The following PDE4D variants were observed in gnomAD, a reference collection of about 807,000 sequenced individuals.
The protein encoded by PDE4D is phosphodiesterase 4D.
A neutral mutation model predicts 87.4 loss-of-function variants in PDE4D; 24 were observed. The observed-to-expected ratio is 0.27, with a 90% CI of 0.20 to 0.39. PDE4D has a LOEUF of 0.39. Among genes scored for constraint, PDE4D ranks in the 10% least tolerant of loss-of-function variants. The probability of loss-of-function intolerance (pLI) is 1.00; values close to 1 mark genes in which losing one functional copy is unlikely to be tolerated. For missense variants in PDE4D, 714 were observed against 1,041.0 expected (o/e 0.69, Z 4.32); for synonymous variants, 384 against 383.2 (o/e 1.00, Z -0.02).
At chr5:59,134,370 C>T (rs1380652858) in intron 5 of PDE4D, among the ~76,000 whole-genome samples, 3 of 151,710 alleles carry the variant, frequency 2.0e-5, no homozygotes, top group Non-Finnish European at 4.4e-5. Flanking sequence ...GACAATGGGC[C>T]TTTGAGAACA....
intron 3 of PDE4D, among the ~76,000 whole-genome samples, chr5:59,916,700 A>G (rs1309541651): frequency 2.0e-5 from 3 of 152,178 alleles, no homozygotes; most frequent in Non-Finnish European, 4.4e-5. Context: ...GGTTCTAGAT[A>G]TTGGCAACAT....
intron 2 of PDE4D, among the ~76,000 whole-genome samples, chr5:60,036,834 G>T (rs1350076820): frequency 2.0e-5 from 3 of 152,060 alleles, no homozygotes; most frequent in Non-Finnish European, 4.4e-5. Flanking sequence ...AGGGTCCATT[G>T]GTTTACTCGG....
intron 1 of PDE4D, among the ~76,000 whole-genome samples, chr5:59,566,494 T>G (rs977866716): frequency 6.6e-6 from 1 of 151,982 alleles, no homozygotes; most frequent in African/African-American, 2.4e-5. Context: ...TTGAACCCTG[T>G]GTGTCTTTCT....
In PDE4D at chr5:59,403,873, CT is replaced by C; in HGVS notation, c.456-187906del. Among the ~76,000 whole-genome samples, 2 of 152,298 alleles carry C rather than the reference CT, an allele frequency of 1.3e-5. 1 individual carries two copies. Among genetic ancestry groups the C allele is most frequent in the Non-Finnish European group, 2.9e-5 (2 of 68,022 alleles). ...TCTATTTTTAGCTTTTTCGAGGAAC[CT>C]CCAAATTGTTCTCCGTAGTGGTTGT... On this transcript the variant is annotated intron_variant, in intron 1 of 14. Transcript: ENST00000340635.
At chr5:59,732,394 T>TCACACACA (rs71604799) in intron 1 of PDE4D, among the ~76,000 whole-genome samples, 22,909 of 146,032 alleles carry the variant, frequency 0.16, 1,960 homozygotes, top group Middle Eastern at 0.28. Flanking sequence ...CAGGAGACAT[T>TCACACACA]CACACACACA....
intron 2 of PDE4D, among the ~76,000 whole-genome samples, chr5:59,199,798 C>T (rs1208037340): frequency 6.6e-6 from 1 of 151,976 alleles, no homozygotes; most frequent in Admixed American, 6.6e-5. Context: ...ATAAAACAAA[C>T]ATATAATGTA....
chr5:59,976,394 T>G (rs1761336504), intron 3 of PDE4D, among the ~76,000 whole-genome samples: 1 of 152,156 alleles, frequency 6.6e-6, no homozygotes, highest in Non-Finnish European at 1.5e-5. Flanking sequence ...CATAAATGGC[T>G]TGGTGCCCTC....
At chr5:59,681,225 CA>C (rs1218812444) in intron 1 of PDE4D, among the ~76,000 whole-genome samples, 1 of 152,058 alleles carries the variant, frequency 6.6e-6, no homozygotes, top group East Asian at 1.9e-4. Context: ...ACAAGGGAGT[CA>C]ACTAGAAGTA....
intron 1 of PDE4D, among the ~76,000 whole-genome samples, chr5:60,248,869 C>G (rs1207141315): frequency 6.6e-6 from 1 of 151,994 alleles, no homozygotes; most frequent in Non-Finnish European, 1.5e-5. Flanking sequence ...GACACATCTG[C>G]ATCATCCCTT....
At chr5:59,925,174 C>CAAAAAAAAAAAG (rs71606612) in intron 3 of PDE4D, among the ~76,000 whole-genome samples, 1 of 101,800 alleles carries the variant, frequency 9.8e-6, no homozygotes, top group Admixed American at 9.2e-5. Flanking sequence ...GACTGCATCT[C>CAAAAAAAAAAAG]AAAAAAAAAA....
intron 1 of PDE4D, among the ~76,000 whole-genome samples, chr5:59,566,533 CATGTGTGTGTGT>C (rs1385569742): frequency 9.7e-5 from 10 of 102,638 alleles, no homozygotes; most frequent in African/African-American, 3.3e-4. Context: ...GTCACAGTTT[CATGTGTGTGTGT>C]GTGTGTGTGT....
chr5:60,120,591 G>A (rs1490624522), intron 2 of PDE4D, among the ~76,000 whole-genome samples: 1 of 152,184 alleles, frequency 6.6e-6, no homozygotes. Context: ...ACAGTCTTGT[G>A]TCAGGTGGGC....
intron 1 of PDE4D, among the ~76,000 whole-genome samples, chr5:59,832,858 A>G (rs1035077092): frequency 4.6e-5 from 7 of 152,056 alleles, no homozygotes; most frequent in Non-Finnish European, 8.8e-5. Context: ...TTATACTAGA[A>G]AAAGCTTTAA....
intron 2 of PDE4D, among the ~76,000 whole-genome samples, chr5:60,140,617 G>A (rs571428287): frequency 1.3e-5 from 2 of 151,360 alleles, no homozygotes; most frequent in African/African-American, 4.8e-5. Flanking sequence ...GTACTGTTGT[G>A]GAATTGAAAG....
intron 1 of PDE4D, among the ~76,000 whole-genome samples, chr5:60,186,494 A>C (rs1350655450): frequency 6.6e-6 from 1 of 152,168 alleles, no homozygotes. Flanking sequence ...ATCAGGACAC[A>C]ACCTACATAT....
At chr5:60,478,150 A>G (rs1583890181) in intron 1 of PDE4D, among the ~76,000 whole-genome samples, 1 of 152,300 alleles carries the variant, frequency 6.6e-6, no homozygotes, top group Admixed American at 6.5e-5. Flanking sequence ...TAATTCTAAA[A>G]TATTTTATCT....
At chr5:59,712,393 CATATATATATAT>C (rs5868190) in intron 1 of PDE4D, among the ~76,000 whole-genome samples, 86 of 122,592 alleles carry the variant, frequency 7.0e-4, no homozygotes, top group African/African-American at 2.1e-3. Context: ...TAATATTATT[CATATATATATAT>C]ATATATATAT....
intron 5 of PDE4D, among the ~76,000 whole-genome samples, chr5:59,072,964 T>C (rs1765096095): frequency 6.6e-6 from 1 of 152,188 alleles, no homozygotes; most frequent in Non-Finnish European, 1.5e-5. Flanking sequence ...ATGAATCGCT[T>C]AGATGGAACA....
intron 1 of PDE4D, among the ~76,000 whole-genome samples, chr5:60,323,948 A>C (rs1477267024): frequency 1.3e-5 from 2 of 151,660 alleles, no homozygotes; most frequent in Non-Finnish European, 2.9e-5. Flanking sequence ...ACAAGAACTA[A>C]CTCTCTCATT....
Sources: gnomAD v4.1 joint callset for allele counts (sites outside exome capture counted in the v4.1 genomes callset) on GRCh38, gnomAD v4.1.1 for gene constraint, MANE v1.5 for transcripts, NCBI Gene and HGNC (gene_info 2026-07-23, HGNC 2026-07-21) for gene names.